The following SNTG2 variants were observed in gnomAD, a reference collection of about 807,000 sequenced individuals.
SNTG2 encodes the protein syntrophin gamma 2, also known as gamma-2-syntrophin.
Under a neutral mutation model 70.9 loss-of-function variants are expected in SNTG2, and 74 were observed. The ratio of observed to expected loss-of-function variants is 1.04; its 90% CI spans 0.86 to 1.27. The LOEUF is 1.27. Among genes scored for constraint, SNTG2 ranks in the 50% most tolerant of loss-of-function variants. SNTG2 has a pLI of 0.00. For synonymous variants in SNTG2, 278 were observed against 273.8 expected (o/e 1.02, Z -0.15); for missense variants, 717 against 690.7 (o/e 1.04, Z -0.43).
At chr2:1,192,411 A>G (rs1036488923) in intron 8 of SNTG2, among the ~76,000 whole-genome samples, 2 of 152,152 alleles carry the variant, frequency 1.3e-5, no homozygotes, top group Non-Finnish European at 2.9e-5. Flanking sequence ...GCGATAAGAG[A>G]AGTAGATTTA....
At chr2:1,350,083 C>T (rs936708979) in intron 16 of SNTG2, among the ~76,000 whole-genome samples, 4 of 152,078 alleles carry the variant, frequency 2.6e-5, no homozygotes, top group South Asian at 2.1e-4. Flanking sequence ...TTTAGGAAAT[C>T]GGATGGCCTC....
rs114160650 is a variant in SNTG2, at chr2:1,054,087, G to A, written c.73-29431G>A. Among the ~76,000 whole-genome samples the A allele has an allele frequency of 3.5e-3, 528 of 152,248 alleles. 3 individuals carry two copies. Among genetic ancestry groups the A allele is most frequent in the Non-Finnish European group, 5.7e-3 (391 of 68,020 alleles). On this transcript the variant is annotated intron_variant, in intron 1 of 16. Coordinates refer to ENST00000308624, the MANE Select transcript of SNTG2 (RefSeq NM_018968.4). The stretch of plus-strand genomic sequence containing the variant: ...GCTGCACCAGCATGACAGGCACCAC[G>A]CCTGCCACCTGCACATGTCTGCTGG...
chr2:1,330,415 T>C (rs1659463521), intron 16 of SNTG2, among the ~76,000 whole-genome samples: 1 of 152,194 alleles, frequency 6.6e-6, no homozygotes, highest in East Asian at 1.9e-4. Context: ...GATGAGACTA[T>C]GGCAAAGACA....
intron 1 of SNTG2, among the ~76,000 whole-genome samples, chr2:990,221 G>A (rs1164350488): frequency 6.6e-6 from 1 of 152,188 alleles, no homozygotes; most frequent in Non-Finnish European, 1.5e-5. Context: ...TCCTCTGTTT[G>A]CTTGGAGCCT....
chr2:1,005,057 A>G (rs931223252), intron 1 of SNTG2, among the ~76,000 whole-genome samples: 5 of 152,200 alleles, frequency 3.3e-5, no homozygotes, highest in Non-Finnish European at 5.9e-5. Context: ...TTTACATGCA[A>G]ATTACTAAGA....
At chr2:1,017,672 A>G (rs1237907766) in intron 1 of SNTG2, among the ~76,000 whole-genome samples, 4 of 152,244 alleles carry the variant, frequency 2.6e-5, no homozygotes, top group Admixed American at 2.6e-4. Flanking sequence ...ATTTTGCCTA[A>G]GAGCTCACGT....
intron 15 of SNTG2, among the ~76,000 whole-genome samples, chr2:1,314,259 T>C (rs1451642813): frequency 6.8e-6 from 1 of 147,552 alleles, no homozygotes; most frequent in African/African-American, 2.5e-5. Context: ...AAAACCTCAA[T>C]AGCCAAGACT....
chr2:950,860 C>T lies in SNTG2; in HGVS notation c.-137C>T, dbSNP rs187808772. On this transcript the variant is annotated 5_prime_UTR_variant, in exon 1 of 17. Transcript: ENST00000308624. ...AGCTCCGGTTCCCCAGCCCTGCGCC[C>T]CGGTGGAGCCCGAGCCGGAGCCGGC... 1.1e-5 allele frequency: 3 copies of T among 274,930 alleles called. No homozygotes were observed. Among genetic ancestry groups the T allele is most frequent in the South Asian group, 3.1e-4 (2 of 6,430 alleles). The allele number at this position is 274,930 out of a possible 1,614,324, so 17.0% of individuals were successfully genotyped here.
At chr2:1,281,197 A>T (rs896777622) in intron 14 of SNTG2, among the ~76,000 whole-genome samples, 2 of 149,354 alleles carry the variant, frequency 1.3e-5, no homozygotes, top group Non-Finnish European at 3.0e-5. Flanking sequence ...TGGTGTGTGT[A>T]TGTGGTGTGT....
intron 16 of SNTG2, among the ~76,000 whole-genome samples, chr2:1,355,548 G>C (rs1660804240): frequency 6.6e-6 from 1 of 152,140 alleles, no homozygotes; most frequent in Non-Finnish European, 1.5e-5. Context: ...GCTGAATAAC[G>C]TACCTGCATA....
chr2:1,248,616 C>G (rs907543437), intron 12 of SNTG2, among the ~76,000 whole-genome samples: 4 of 152,202 alleles, frequency 2.6e-5, no homozygotes, highest in African/African-American at 9.6e-5. Flanking sequence ...TTTTCAAATT[C>G]AAGTCCCAGA....
In SNTG2 at chr2:1,070,142, C is replaced by T. The variant is rs576801825; in HGVS notation, c.73-13376C>T. Among the ~76,000 whole-genome samples the T allele has an allele frequency of 2.2e-4, 34 of 151,824 alleles. 1 individual carries two copies. The highest frequency in any genetic ancestry group is 7.5e-4 in the African/African-American group (31 of 41,392). ...AATTTCTGCCAGTCAGTCTGAGGGG[C>T]GGGGGATGGGGCAAGAGGACAGGAG... On this transcript the variant is annotated intron_variant, in intron 1 of 16. Coordinates refer to ENST00000308624, the MANE Select transcript of SNTG2 (RefSeq NM_018968.4).
intron 14 of SNTG2, among the ~76,000 whole-genome samples, chr2:1,270,099 A>G (rs924823414): frequency 1.3e-5 from 2 of 152,126 alleles, no homozygotes; most frequent in Non-Finnish European, 2.9e-5. Flanking sequence ...AGGGCATTGA[A>G]TTCCCAATTT....
At chr2:1,183,063 A>G (rs937579000) in intron 8 of SNTG2, among the ~76,000 whole-genome samples, 8 of 152,086 alleles carry the variant, frequency 5.3e-5, no homozygotes, top group Non-Finnish European at 1.0e-4. Context: ...CCTAATCTCT[A>G]TTTTGACCTC....
intron 7 of SNTG2, among the ~76,000 whole-genome samples, chr2:1,167,452 A>G (rs111289096): frequency 1.4e-5 from 2 of 142,688 alleles, no homozygotes; most frequent in South Asian, 4.7e-4. Flanking sequence ...TCAGAACTGA[A>G]GCCTACAAGC....
chr2:1,277,277 C>T (rs927575930), intron 14 of SNTG2, among the ~76,000 whole-genome samples: 14 of 152,116 alleles, frequency 9.2e-5, no homozygotes, highest in African/African-American at 3.4e-4. Flanking sequence ...AAGAGTAAAT[C>T]GATGAGGCAG....
At chr2:1,193,830 G>T (rs1182584425) in intron 8 of SNTG2, among the ~76,000 whole-genome samples, 1 of 152,204 alleles carries the variant, frequency 6.6e-6, no homozygotes, top group East Asian at 1.9e-4. Context: ...ACACCCACCA[G>T]AATAACTCTG....
intron 9 of SNTG2, among the ~76,000 whole-genome samples, chr2:1,217,916 C>A (rs1572753538): frequency 1.3e-5 from 2 of 151,988 alleles, no homozygotes; most frequent in Non-Finnish European, 2.9e-5. Context: ...GGTCAGGAGT[C>A]CGGCAGCTCC....
At chr2:992,004 C>T (rs1661511454) in intron 1 of SNTG2, among the ~76,000 whole-genome samples, 1 of 152,054 alleles carries the variant, frequency 6.6e-6, no homozygotes, top group Non-Finnish European at 1.5e-5. Context: ...CAGCATGCAC[C>T]TATAGTATCA....
Sources: allele counts gnomAD v4.1 joint callset (sites outside exome capture counted in the v4.1 genomes callset), GRCh38; gene constraint gnomAD v4.1.1; transcripts MANE v1.5; gene names NCBI Gene and HGNC (gene_info 2026-07-23, HGNC 2026-07-21).